Variants in COMMD10 observed in about 807,000 individuals in gnomAD.
COMMD10 encodes the protein COMM domain containing 10.
COMMD10 carries 33 observed loss-of-function variants against 28.9 expected under a neutral mutation model. The ratio of observed to expected loss-of-function variants is 1.14; its 90% CI spans 0.87 to 1.53. COMMD10 has a LOEUF of 1.53. COMMD10 is among the 40% of genes most tolerant of loss of function. The pLI is 0.00. For missense variants in COMMD10, 310 were observed against 233.4 expected, an observed-to-expected ratio of 1.33 and a Z score of -2.14; for synonymous variants, 110 against 81.7, an observed-to-expected ratio of 1.35 and a Z score of -1.87.
intron 4 of COMMD10, among the ~76,000 whole-genome samples, chr5:116,109,527 C>T (rs11958648): frequency 0.52 from 78,524 of 152,034 alleles, 22,456 homozygotes; most frequent in Non-Finnish European, 0.66. Flanking sequence ...CTGGGAGGGA[C>T]AGGTTGCAGT....
intron 4 of COMMD10, among the ~76,000 whole-genome samples, chr5:116,096,489 T>C (rs114963235): frequency 7.2e-5 from 11 of 152,102 alleles, no homozygotes; most frequent in African/African-American, 1.7e-4. Context: ...AGCTTTCTTA[T>C]AGGTTTTTTG....
chr5:116,154,120 T>G (rs1752628434), intron 5 of COMMD10, among the ~76,000 whole-genome samples: 1 of 152,112 alleles, frequency 6.6e-6, no homozygotes, highest in African/African-American at 2.4e-5. Flanking sequence ...CCACCCAGCC[T>G]CAAGCTGCGT....
chr5:116,154,801 A>G (rs1281447182), intron 5 of COMMD10, among the ~76,000 whole-genome samples: 2 of 133,852 alleles, frequency 1.5e-5, no homozygotes, highest in South Asian at 4.7e-4. Flanking sequence ...TTTTTTTTTT[A>G]ATATACAGTG....
intron 4 of COMMD10, among the ~76,000 whole-genome samples, chr5:116,094,556 C>G (rs1408853063): frequency 6.6e-6 from 1 of 152,132 alleles, no homozygotes; most frequent in Non-Finnish European, 1.5e-5. Flanking sequence ...AGGGAACTCT[C>G]ATATGCTTTT....
At chr5:116,257,798 G>C (rs1234172735) in intron 5 of COMMD10, among the ~76,000 whole-genome samples, 2 of 151,736 alleles carry the variant, frequency 1.3e-5, no homozygotes, top group African/African-American at 2.4e-5. Context: ...AAAATTTTAA[G>C]ATTCTTATAT....
chr5:116,247,730 T>A (rs74660760), intron 5 of COMMD10, among the ~76,000 whole-genome samples: 1 of 152,116 alleles, frequency 6.6e-6, no homozygotes, highest in Admixed American at 6.6e-5. Flanking sequence ...AACAACCACA[T>A]GTTCTCCCTT....
intron 5 of COMMD10, among the ~76,000 whole-genome samples, chr5:116,239,115 C>T (rs569213397): frequency 6.6e-6 from 1 of 152,070 alleles, no homozygotes; most frequent in Admixed American, 6.5e-5. Flanking sequence ...TGTTTTTTTG[C>T]CAATCGCAAA....
chr5:116,168,589 A>G (rs887147620), intron 5 of COMMD10, among the ~76,000 whole-genome samples: 2 of 152,128 alleles, frequency 1.3e-5, no homozygotes, highest in Non-Finnish European at 1.5e-5. Context: ...TGGAAGTAAA[A>G]CAGTCCTCAG....
chr5:116,136,935 T>C (rs1003981395), intron 5 of COMMD10, among the ~76,000 whole-genome samples: 1 of 152,108 alleles, frequency 6.6e-6, no homozygotes, highest in Non-Finnish European at 1.5e-5. Flanking sequence ...TCTATGGCAT[T>C]GTACACATTT....
intron 4 of COMMD10, among the ~76,000 whole-genome samples, chr5:116,101,783 G>A (rs1332382974): frequency 6.6e-6 from 1 of 152,146 alleles, no homozygotes; most frequent in Non-Finnish European, 1.5e-5. Context: ...TTGTGGCTTT[G>A]ATTTGCATTT....
chr5:116,172,316 TAGG>T (rs921080231), intron 5 of COMMD10, among the ~76,000 whole-genome samples: 13 of 152,086 alleles, frequency 8.5e-5, no homozygotes, highest in African/African-American at 3.1e-4. Context: ...CAGGGATAAA[TAGG>T]AGGGAAGGAG....
At chr5:116,203,659 G>C in intron 5 of COMMD10, among the ~76,000 whole-genome samples, 1 of 151,926 alleles carries the variant, frequency 6.6e-6, no homozygotes, top group East Asian at 1.9e-4. Context: ...GAGTGAAGGA[G>C]AAATAAAATA....
At chr5:116,266,642 T>A (rs1318516244) in intron 5 of COMMD10, among the ~76,000 whole-genome samples, 1 of 150,810 alleles carries the variant, frequency 6.6e-6, no homozygotes, top group East Asian at 1.9e-4. Flanking sequence ...AAAATTTGTT[T>A]TCACAGAGAA....
At chr5:116,262,736 C>A (rs1195634012) in intron 5 of COMMD10, among the ~76,000 whole-genome samples, 2 of 151,776 alleles carry the variant, frequency 1.3e-5, no homozygotes, top group East Asian at 3.9e-4. Flanking sequence ...AAATGAAAAT[C>A]ATTTTTTATA....
At chr5:116,230,393 T>A (rs1749499418) in intron 5 of COMMD10, among the ~76,000 whole-genome samples, 1 of 152,080 alleles carries the variant, frequency 6.6e-6, no homozygotes, top group Non-Finnish European at 1.5e-5. Context: ...ACATATATCA[T>A]TGTATTTTAA....
intron 5 of COMMD10, among the ~76,000 whole-genome samples, chr5:116,283,074 A>G (rs1165506681): frequency 2.0e-5 from 3 of 151,856 alleles, no homozygotes; most frequent in Non-Finnish European, 4.4e-5. Flanking sequence ...ATTCTCCCTT[A>G]AGCAGGTATC....
chr5:116,109,935 C>T (rs933894099), intron 4 of COMMD10, among the ~76,000 whole-genome samples: 1 of 152,204 alleles, frequency 6.6e-6, no homozygotes, highest in Admixed American at 6.5e-5. Context: ...AAATGGGCAT[C>T]CTTGTCTTGT....
At position 116,156,003 on chromosome 5, in the gene COMMD10, A is replaced by G. The variant is rs150266277; in HGVS notation, c.510+21825A>G. 5.5e-3 allele frequency among the ~76,000 whole-genome samples: 831 copies of G among 152,126 alleles called. 9 individuals carry two copies. The highest frequency in any genetic ancestry group is 5.7e-3 in the Non-Finnish European group (390 of 67,992). On this transcript the variant is annotated intron_variant, in intron 5 of 6. Transcript: ENST00000274458. Reference sequence around the variant, plus strand: ...TAAAAAAGTCTAGCTGAGGATTACTATTTGTGGTTTCTTTTTTCTTCATGT... The same window carrying G: ...TAAAAAAGTCTAGCTGAGGATTACTGTTTGTGGTTTCTTTTTTCTTCATGT...
intron 5 of COMMD10, among the ~76,000 whole-genome samples, chr5:116,215,146 A>T (rs1404521665): frequency 3.3e-5 from 5 of 151,994 alleles, no homozygotes; most frequent in Admixed American, 2.6e-4. Flanking sequence ...TACTTTTGGT[A>T]TCTCTCATTT....
Sources: allele counts gnomAD v4.1 joint callset (sites outside exome capture counted in the v4.1 genomes callset), GRCh38; gene constraint gnomAD v4.1.1; transcripts MANE v1.5; gene names NCBI Gene and HGNC (gene_info 2026-07-23, HGNC 2026-07-21).